Variants in IGFL2 observed in about 807,000 individuals in gnomAD.
The protein encoded by IGFL2 is insulin growth factor-like family member 2.
A neutral mutation model predicts 13.9 loss-of-function variants in IGFL2; 7 were observed. The ratio of observed to expected loss-of-function variants is 0.51; its 90% CI spans 0.29 to 0.95. IGFL2 has a LOEUF of 0.95. Ranked by LOEUF, IGFL2 falls within the 40% of genes least tolerant of loss-of-function variation. The probability of loss-of-function intolerance (pLI) is 0.08; values close to 1 mark genes in which losing one functional copy is unlikely to be tolerated. For synonymous variants in IGFL2, 55 were observed against 55.8 expected (o/e 0.99, Z 0.07); for missense variants, 138 against 147.8 (o/e 0.93, Z 0.34).
the IGFL2 span, among the ~76,000 whole-genome samples, chr19:46,174,641 G>C: frequency 2.0e-5 from 3 of 152,188 alleles, no homozygotes; most frequent in African/African-American, 7.2e-5. Flanking sequence ...CAATAGGAAA[G>C]ACGTTTCCCC....
chr19:46,145,600 A>ATATGTGTGTGTG (rs1177221696), upstream of IGFL2, among the ~76,000 whole-genome samples: 15 of 94,450 alleles, frequency 1.6e-4, no homozygotes, highest in African/African-American at 4.4e-4. Context: ...ACTCATATAT[A>ATATGTGTGTGTG]TGTGTGTGTG....
At chr19:46,166,436 G>A in the IGFL2 span, among the ~76,000 whole-genome samples, 1 of 152,184 alleles carries the variant, frequency 6.6e-6, no homozygotes, top group Non-Finnish European at 1.5e-5. Flanking sequence ...ATATCACAAG[G>A]CAAGTGGAGG....
At chr19:46,153,727 C>G (rs903262076) in intron 1 of IGFL2, among the ~76,000 whole-genome samples, 14 of 151,406 alleles carry the variant, frequency 9.2e-5, no homozygotes, top group African/African-American at 3.4e-4. Flanking sequence ...GGCATGAGTG[C>G]TGGATCGCTA....
At chr19:46,113,466 A>G in the IGFL2 span, 5 of 386,172 alleles carry the variant, frequency 1.3e-5, no homozygotes, top group Non-Finnish European at 2.6e-5. Context: ...GATTACGACA[A>G]AGAAGATAAG....
chr19:46,148,418 C>T (rs762589418), intron 1 of IGFL2, 121 bp downstream of exon 1: 25 of 871,558 alleles, frequency 2.9e-5, no homozygotes, highest in African/African-American at 1.0e-4. Flanking sequence ...CATAATCACC[C>T]GTGTCCTCTC....
chr19:46,151,701 G>C (rs1361958364), intron 1 of IGFL2, among the ~76,000 whole-genome samples: 1 of 152,130 alleles, frequency 6.6e-6, no homozygotes, highest in Non-Finnish European at 1.5e-5. Context: ...CTTGATCTCA[G>C]GCGTTAAGAG....
chr19:46,154,372 A>G (rs1029602912), intron 1 of IGFL2, among the ~76,000 whole-genome samples: 1 of 152,068 alleles, frequency 6.6e-6, no homozygotes, highest in African/African-American at 2.4e-5. Flanking sequence ...TGACCCCAGG[A>G]GGAGGGCCCT....
the IGFL2 span, among the ~76,000 whole-genome samples, chr19:46,110,725 C>T: frequency 6.6e-6 from 1 of 152,078 alleles, no homozygotes; most frequent in Non-Finnish European, 1.5e-5. Context: ...GTGGAGATAC[C>T]TTCTGACAAG....
At chr19:46,131,630 T>C in the IGFL2 span, among the ~76,000 whole-genome samples, 592 of 152,318 alleles carry the variant, frequency 3.9e-3, 2 homozygotes, top group Non-Finnish European at 5.4e-3. Flanking sequence ...CGAATATGAC[T>C]GATTTTCAGT....
upstream of IGFL2, among the ~76,000 whole-genome samples, chr19:46,142,356 A>G (rs947986983): frequency 2.0e-5 from 3 of 152,214 alleles, no homozygotes; most frequent in Non-Finnish European, 4.4e-5. Flanking sequence ...AATTTCCTCA[A>G]ACATTACAAA....
At chr19:46,181,079 A>G in the IGFL2 span, among the ~76,000 whole-genome samples, 1 of 152,358 alleles carries the variant, frequency 6.6e-6, no homozygotes, top group East Asian at 1.9e-4. Flanking sequence ...AATATTTGCC[A>G]TCCCAACATT....
chr19:46,141,199 A>G (rs1972842315), upstream of IGFL2, among the ~76,000 whole-genome samples: 1 of 152,214 alleles, frequency 6.6e-6, no homozygotes, highest in Non-Finnish European at 1.5e-5. Context: ...GTGGAACAAA[A>G]GAACAGTCAA....
chr19:46,093,872 A>G, the IGFL2 span, among the ~76,000 whole-genome samples: 4 of 152,150 alleles, frequency 2.6e-5, no homozygotes, highest in East Asian at 3.8e-4. Flanking sequence ...ATCAAACAAA[A>G]TATGTGTGGA....
chr19:46,114,318 G>T, the IGFL2 span, among the ~76,000 whole-genome samples: 2 of 152,150 alleles, frequency 1.3e-5, no homozygotes, highest in Non-Finnish European at 2.9e-5. Flanking sequence ...GAAAAAAAGG[G>T]TGATACCTTT....
chr19:46,167,677 C>T, the IGFL2 span, among the ~76,000 whole-genome samples: 1 of 152,168 alleles, frequency 6.6e-6, no homozygotes, highest in Non-Finnish European at 1.5e-5. Flanking sequence ...AGCCCTGAAA[C>T]CCACTGTAGC....
the IGFL2 span, among the ~76,000 whole-genome samples, chr19:46,178,076 A>C: frequency 2.6e-3 from 391 of 152,268 alleles, no homozygotes; most frequent in African/African-American, 9.1e-3. Flanking sequence ...CAGGAGTTCG[A>C]GACCAGCCTG....
At chr19:46,195,381 G>T in the IGFL2 span, among the ~76,000 whole-genome samples, 5 of 151,990 alleles carry the variant, frequency 3.3e-5, no homozygotes, top group African/African-American at 4.8e-5. Flanking sequence ...GCCTTGCTTA[G>T]ATCAGATAAC....
chr19:46,197,289 A>G, the IGFL2 span: 1 of 190,836 alleles, frequency 5.2e-6, no homozygotes, highest in Non-Finnish European at 1.1e-5. Context: ...GTCACAGGTG[A>G]GGTCCTGTCT....
At chr19:46,169,862 A>T in the IGFL2 span, among the ~76,000 whole-genome samples, 1 of 151,958 alleles carries the variant, frequency 6.6e-6, no homozygotes, top group Non-Finnish European at 1.5e-5. Flanking sequence ...AAAAAAAAAA[A>T]AAAAAATGGA....
Sources: allele counts gnomAD v4.1 joint callset (sites outside exome capture counted in the v4.1 genomes callset), GRCh38; gene constraint gnomAD v4.1.1; transcripts MANE v1.5; gene names NCBI Gene and HGNC (gene_info 2026-07-23, HGNC 2026-07-21).